The following SAMSN1 variants were observed in gnomAD, a reference collection of about 807,000 sequenced individuals.
The protein encoded by SAMSN1 is SAM domain-containing protein SAMSN-1.
Under a neutral mutation model 42.0 loss-of-function variants are expected in SAMSN1, and 31 were observed. The ratio of observed to expected loss-of-function variants is 0.74; its 90% CI spans 0.55 to 1.00. The LOEUF is 1.00. SAMSN1 is among the 50% of genes least tolerant of loss of function. The pLI is 0.00. For missense variants in SAMSN1, 464 were observed against 439.4 expected (o/e 1.06, Z -0.50); for synonymous variants, 178 against 151.9 (o/e 1.17, Z -1.26).
rs75397385 is a variant in SAMSN1, at chr21:14,609,604, T to C, written c.236-36A>G. On this transcript the variant is annotated intron_variant, in intron 4 of 15. Coordinates refer to the SAMSN1 transcript ENST00000647101. ...GCAGATAATTGGTTAGCAGAATTCATAGTAACATTTGTCCAGTAAGTATAA... is the reference window on the plus strand; with the variant it reads ...GCAGATAATTGGTTAGCAGAATTCACAGTAACATTTGTCCAGTAAGTATAA... 1.7e-3 allele frequency: 1,247 copies of C among 717,312 alleles called. 14 individuals carry two copies. In the African/African-American group the frequency reaches 0.019, roughly 11 times the overall value. 44.4% of individuals were successfully genotyped at this position (717,312 alleles called of 1,614,324 possible).
intron 1 of SAMSN1, among the ~76,000 whole-genome samples, chr21:14,657,414 C>G (rs1219634252): frequency 6.6e-6 from 1 of 151,740 alleles, no homozygotes; most frequent in Admixed American, 6.6e-5. Context: ...AGTAAGTGCT[C>G]CCTTCCCTAT....
chr21:14,521,768 A>G (rs1978499281), intron 1 of SAMSN1, among the ~76,000 whole-genome samples: 1 of 152,166 alleles, frequency 6.6e-6, no homozygotes, highest in Non-Finnish European at 1.5e-5. Flanking sequence ...TGATGGGCTT[A>G]ATACCTAGGT....
chr21:14,565,485 A>G (rs1271567705), intron 2 of SAMSN1, among the ~76,000 whole-genome samples: 1 of 152,140 alleles, frequency 6.6e-6, no homozygotes, highest in Non-Finnish European at 1.5e-5. Context: ...TTACACATAA[A>G]TCTACAATTG....
At chr21:14,609,418 C>T in intron 5 of SAMSN1, 1 of 709,650 alleles carries the variant, frequency 1.4e-6, no homozygotes, top group Non-Finnish European at 2.6e-6. Flanking sequence ...GTGAATTTTT[C>T]TTACCTGCCC....
At chr21:14,499,855 A>G (rs553068087) in intron 6 of SAMSN1, among the ~76,000 whole-genome samples, 2 of 152,342 alleles carry the variant, frequency 1.3e-5, no homozygotes, top group African/African-American at 4.8e-5. Flanking sequence ...GTCTTGGTGA[A>G]TTTTGAAAAC....
At chr21:14,613,219 C>T in intron 3 of SAMSN1, among the ~76,000 whole-genome samples, 1 of 152,134 alleles carries the variant, frequency 6.6e-6, no homozygotes, top group East Asian at 1.9e-4. Flanking sequence ...GGGGGAAGTG[C>T]TTTTGCAAAT....
intron 2 of SAMSN1, among the ~76,000 whole-genome samples, chr21:14,628,279 G>A (rs941029214): frequency 1.3e-5 from 2 of 152,010 alleles, no homozygotes; most frequent in African/African-American, 4.8e-5. Flanking sequence ...AAATAAGGAT[G>A]TTGAGTGTTA....
At chr21:14,584,200 A>G (rs1393546837), upstream of SAMSN1, among the ~76,000 whole-genome samples, 1 of 152,220 alleles carries the variant, frequency 6.6e-6, no homozygotes, top group Admixed American at 6.5e-5. Flanking sequence ...CTAATATTAG[A>G]TAAAGCAGAA....
chr21:14,574,060 C>T (rs1981386783), intron 2 of SAMSN1, among the ~76,000 whole-genome samples: 1 of 152,174 alleles, frequency 6.6e-6, no homozygotes, highest in South Asian at 2.1e-4. Flanking sequence ...AATGTTCTAA[C>T]ATTCAGGCTT....
At chr21:14,550,400 G>C (rs763753513), upstream of SAMSN1, among the ~76,000 whole-genome samples, 18 of 152,064 alleles carry the variant, frequency 1.2e-4, no homozygotes, top group Non-Finnish European at 2.6e-4. Flanking sequence ...ACCTGCTCCA[G>C]GAAGTGACAA....
rs1194176056 is a variant in SAMSN1 at position 14,571,327 on chromosome 21, TA to T, written c.261+10808del. ...ATTTTAACGTATCTTGTGCCCTGGA[TA>T]AAAAATCCTTTCTATGAGTGAGACA... On this transcript the variant is annotated intron_variant, in intron 2 of 8. Coordinates refer to the SAMSN1 transcript ENST00000285670. Among the ~76,000 whole-genome samples, 3 of 152,200 alleles carry T rather than the reference TA, an allele frequency of 2.0e-5. No individual in the cohort carries two copies. In the East Asian group the frequency reaches 5.8e-4, roughly 29 times the overall value.
At chr21:14,566,869 G>T (rs1981137130) in intron 2 of SAMSN1, among the ~76,000 whole-genome samples, 2 of 151,934 alleles carry the variant, frequency 1.3e-5, no homozygotes, top group South Asian at 4.2e-4. Flanking sequence ...CCATGTTAGT[G>T]TTATCCAGTA....
intron 1 of SAMSN1, among the ~76,000 whole-genome samples, chr21:14,646,398 C>T (rs1040685274): frequency 3.3e-5 from 5 of 151,964 alleles, no homozygotes; most frequent in African/African-American, 1.2e-4. Flanking sequence ...TAATTTTTAC[C>T]CCAGAATAAT....
intron 2 of SAMSN1, among the ~76,000 whole-genome samples, chr21:14,635,211 A>G (rs775388469): frequency 2.5e-4 from 38 of 152,208 alleles, no homozygotes; most frequent in Non-Finnish European, 5.1e-4. Flanking sequence ...GGATAGCATT[A>G]GGACAAACAC....
At chr21:14,583,536 A>G, upstream of SAMSN1, 1 of 593,404 alleles carries the variant, frequency 1.7e-6, no homozygotes, top group South Asian at 2.1e-5. Flanking sequence ...AATAAAAAAA[A>G]ATCCTCAATG....
intron 2 of SAMSN1, among the ~76,000 whole-genome samples, chr21:14,556,571 G>A (rs1339959434): frequency 6.6e-6 from 1 of 152,120 alleles, no homozygotes; most frequent in Non-Finnish European, 1.5e-5. Flanking sequence ...TTAACATAAA[G>A]GGTAATAAAA....
At position 14,528,549 on chromosome 21, in the gene SAMSN1, T is replaced by C. The variant is rs139511116; in HGVS notation, c.58-7328A>G. The stretch of plus-strand genomic sequence containing the variant: ...AACCTCTGAAACTTTACCAGCCCCA[T>C]TGGAAAATGGTATTTGCTCATTGCT... On this transcript the variant is annotated intron_variant, in intron 1 of 7. Coordinates refer to ENST00000400566, the MANE Select transcript of SAMSN1 (RefSeq NM_022136.5). Among the ~76,000 whole-genome samples, 161 of 152,278 alleles carry C rather than the reference T, an allele frequency of 1.1e-3. 1 individual carries two copies. Among genetic ancestry groups the C allele is most frequent in the African/African-American group, 3.6e-3 (149 of 41,548 alleles).
At chr21:14,636,655 C>G (rs1386024763) in intron 2 of SAMSN1, among the ~76,000 whole-genome samples, 2 of 152,162 alleles carry the variant, frequency 1.3e-5, no homozygotes, top group Non-Finnish European at 2.9e-5. Context: ...TTGAGACCAT[C>G]CTGGCCAACA....
At chr21:14,644,502 T>G (rs1983674969) in intron 1 of SAMSN1, among the ~76,000 whole-genome samples, 1 of 152,128 alleles carries the variant, frequency 6.6e-6, no homozygotes, top group Non-Finnish European at 1.5e-5. Context: ...CCTTGGGCCC[T>G]GAATAGCCAG....
Sources: allele counts gnomAD v4.1 joint callset (sites outside exome capture counted in the v4.1 genomes callset), GRCh38; gene constraint gnomAD v4.1.1; transcripts MANE v1.5; gene names NCBI Gene and HGNC (gene_info 2026-07-23, HGNC 2026-07-21).